CACNA1C: variants seen among roughly 807,000 people sequenced by gnomAD.
CACNA1C encodes the protein calcium voltage-gated channel subunit alpha1 C, also known as voltage-dependent L-type calcium channel subunit alpha-1C.
Under a neutral mutation model 229.0 loss-of-function variants are expected in CACNA1C, and 30 were observed. That is an observed-to-expected ratio of 0.13 (90% CI 0.10 to 0.18). The LOEUF is 0.18. Among genes scored for constraint, CACNA1C ranks in the 10% least tolerant of loss-of-function variants. The pLI, the probability that CACNA1C is intolerant of heterozygous loss-of-function variation, is 1.00. For missense variants in CACNA1C, 1,658 were observed against 2,845.0 expected (o/e 0.58, Z 9.49); for synonymous variants, 1,114 against 1,132.5 (o/e 0.98, Z 0.33).
chr12:2,207,895 TC>T (rs1244763300), intron 3 of CACNA1C, among the ~76,000 whole-genome samples: 1 of 152,090 alleles, frequency 6.6e-6, no homozygotes, highest in African/African-American at 2.4e-5. Flanking sequence ...TTCGGGAAAG[TC>T]TTATTGATGT....
rs568673768 is a variant in CACNA1C, at chr12:2,239,090, A to G, written c.477+118660A>G. On this transcript the variant is annotated intron_variant, in intron 3 of 46. Transcript: ENST00000399655. ...GGTAGCTCGTGAAATTTTAGCAGCTATTTTTACTCCTAGTTTTACTACAAT... is the reference window on the plus strand; with the variant it reads ...GGTAGCTCGTGAAATTTTAGCAGCTGTTTTTACTCCTAGTTTTACTACAAT... 4.5e-4 allele frequency among the ~76,000 whole-genome samples: 68 copies of G among 152,208 alleles called. No homozygotes were observed. The South Asian group carries it at 0.013, about 29-fold the overall frequency.
intron 8 of CACNA1C, among the ~76,000 whole-genome samples, chr12:2,509,012 G>A (rs1005730393): frequency 6.6e-6 from 1 of 152,184 alleles, no homozygotes; most frequent in Non-Finnish European, 1.5e-5. Flanking sequence ...CTGGACTCTG[G>A]TTGCTTTTTG....
intron 3 of CACNA1C, among the ~76,000 whole-genome samples, chr12:2,266,249 A>C (rs1232343214): frequency 1.3e-5 from 2 of 152,148 alleles, no homozygotes; most frequent in East Asian, 1.9e-4. Context: ...CTGGCATTTG[A>C]GAATGGGCCG....
chr12:2,505,541 T>C (rs920851837), intron 8 of CACNA1C, among the ~76,000 whole-genome samples: 5 of 152,160 alleles, frequency 3.3e-5, no homozygotes, highest in African/African-American at 9.7e-5. Context: ...GGTGCACACC[T>C]GTAGACCCAG....
At chr12:2,565,900 A>G (rs1801689051) in intron 11 of CACNA1C, among the ~76,000 whole-genome samples, 1 of 152,198 alleles carries the variant, frequency 6.6e-6, no homozygotes, top group African/African-American at 2.4e-5. Context: ...CTGCTGTGAT[A>G]TTGGTCGAGT....
rs531629908 is a variant in CACNA1C, at chr12:2,451,676, C to T, written c.617+2561C>T. 3.3e-5 allele frequency among the ~76,000 whole-genome samples: 5 copies of T among 152,290 alleles called. No individual in the cohort carries two copies. The East Asian group carries it at 5.8e-4, about 18-fold the overall frequency. On this transcript the variant is annotated intron_variant, in intron 4 of 46. Coordinates refer to ENST00000399655, the MANE Select transcript of CACNA1C (RefSeq NM_000719.7). ...GCCTCACCTGCGGTCTGTCTGGACC[C>T]GCTTCATCCCTTAGACTCCTCCACA...
chr12:2,456,999 A>G (rs2099430422), intron 4 of CACNA1C, among the ~76,000 whole-genome samples: 1 of 152,246 alleles, frequency 6.6e-6, no homozygotes, highest in African/African-American at 2.4e-5. Flanking sequence ...AGTTACGTGC[A>G]CGTGTGGTTC....
At chr12:2,385,322 A>T (rs1335406407) in intron 3 of CACNA1C, among the ~76,000 whole-genome samples, 1 of 151,812 alleles carries the variant, frequency 6.6e-6, no homozygotes, top group African/African-American at 2.4e-5. Context: ...GGCTTTTCTG[A>T]TGCCTGCCTC....
intron 3 of CACNA1C, among the ~76,000 whole-genome samples, chr12:2,390,156 T>A (rs753078): frequency 0.25 from 38,014 of 152,012 alleles, 4,875 homozygotes; most frequent in East Asian, 0.33. Context: ...ATATAAAAGG[T>A]CCCCCAAGCC....
intron 1 of CACNA1C, among the ~76,000 whole-genome samples, chr12:2,092,399 T>C (rs767513082): frequency 6.8e-4 from 104 of 152,352 alleles, no homozygotes; most frequent in Non-Finnish European, 1.2e-3. Context: ...ATGGAAGATG[T>C]GTCTCCTTGT....
chr12:2,358,073 T>A (rs2097433903), intron 3 of CACNA1C, among the ~76,000 whole-genome samples: 1 of 152,094 alleles, frequency 6.6e-6, no homozygotes, highest in Non-Finnish European at 1.5e-5. Flanking sequence ...ATGTTCACCA[T>A]TTGAGGAAAA....
At chr12:2,552,597 G>A (rs557736937) in intron 10 of CACNA1C, among the ~76,000 whole-genome samples, 7 of 152,276 alleles carry the variant, frequency 4.6e-5, no homozygotes, top group African/African-American at 1.4e-4. Context: ...GGATCACTGC[G>A]ACGTCAGGAA....
At chr12:2,463,701 C>T (rs1306096380) in intron 5 of CACNA1C, among the ~76,000 whole-genome samples, 1 of 152,190 alleles carries the variant, frequency 6.6e-6, no homozygotes, top group Non-Finnish European at 1.5e-5. Context: ...TGGAGATGCA[C>T]ACTGTGAGGC....
chr12:2,424,822 C>T (rs1046651177), intron 3 of CACNA1C, among the ~76,000 whole-genome samples: 1 of 152,214 alleles, frequency 6.6e-6, no homozygotes, highest in African/African-American at 2.4e-5. Flanking sequence ...AGGCCATGGG[C>T]ATGGGCGCTG....
At chr12:1,998,585 T>C (rs1276894373) in intron 1 of CACNA1C, among the ~76,000 whole-genome samples, 3 of 152,218 alleles carry the variant, frequency 2.0e-5, no homozygotes, top group Non-Finnish European at 4.4e-5. Flanking sequence ...TACACAAGTA[T>C]TACCAAGTTA....
chr12:2,043,871 G>T (rs979195644), intron 1 of CACNA1C, among the ~76,000 whole-genome samples: 9 of 149,936 alleles, frequency 6.0e-5, no homozygotes, highest in Admixed American at 2.6e-4. Context: ...TAGCCAGGAT[G>T]GTCTCGATCT....
At chr12:2,245,626 T>C (rs1600511965) in intron 3 of CACNA1C, among the ~76,000 whole-genome samples, 1 of 152,310 alleles carries the variant, frequency 6.6e-6, no homozygotes, top group Admixed American at 6.5e-5. Flanking sequence ...TACAGATCCA[T>C]AGCCATTTCT....
rs559502340 is a variant in CACNA1C at position 2,653,728 on chromosome 12, G to A, written c.4075-107G>A. ...TTGGAAGTGTCCCCCGGCCCAAACCGGGCAATAGCTGATGGCTGCAGAGAC... is the reference window on the plus strand; with the variant it reads ...TTGGAAGTGTCCCCCGGCCCAAACCAGGCAATAGCTGATGGCTGCAGAGAC... On this transcript the variant is annotated intron_variant, in intron 32 of 46. Transcript: ENST00000399655. This position sits in a 1 kb window ranked among gnomAD's most constrained non-coding sequence, Gnocchi z 4.7. 20 of 927,280 alleles carry A rather than the reference G, an allele frequency of 2.2e-5. No homozygotes were observed. Among genetic ancestry groups the A allele is most frequent in the South Asian group, 1.9e-4 (14 of 72,666 alleles). The allele number at this position is 927,280 out of a possible 1,614,324, so 57.4% of individuals were successfully genotyped here. A position where few individuals can be genotyped will look rare whatever the true frequency, so the allele number is the denominator to read the frequency against.
intron 1 of CACNA1C, among the ~76,000 whole-genome samples, chr12:2,018,956 C>A (rs918333053): frequency 1.3e-5 from 2 of 152,144 alleles, no homozygotes; most frequent in African/African-American, 4.8e-5. Flanking sequence ...AAACATTTAA[C>A]CCTTCCCTAA....
Sources: allele counts gnomAD v4.1 joint callset (sites outside exome capture counted in the v4.1 genomes callset), GRCh38; gene constraint gnomAD v4.1.1; non-coding constraint Gnocchi (gnomAD v3.1); transcripts MANE v1.5; gene names NCBI Gene and HGNC (gene_info 2026-07-23, HGNC 2026-07-21).